The following MEGF11 variants were observed in gnomAD, a reference collection of about 807,000 sequenced individuals.
The protein encoded by MEGF11 is multiple epidermal growth factor-like domains protein 11.
In MEGF11, 126 loss-of-function variants were observed where a neutral mutation model predicts 146.6. The ratio of observed to expected loss-of-function variants is 0.86; its 90% CI spans 0.74 to 1.00. MEGF11 has a LOEUF of 1.00. Among genes scored for constraint, MEGF11 ranks in the 50% least tolerant of loss-of-function variants. MEGF11 has a pLI of 0.00. For synonymous variants in MEGF11, 532 were observed against 583.4 expected (o/e 0.91, Z 1.27); for missense variants, 1,509 against 1,521.2 (o/e 0.99, Z 0.13).
intron 1 of MEGF11, among the ~76,000 whole-genome samples, chr15:66,252,965 A>G (rs1298274200): frequency 6.6e-6 from 1 of 152,242 alleles, no homozygotes; most frequent in Non-Finnish European, 1.5e-5. Context: ...AAGGCCGTCC[A>G]GGTCCTGGAC....
At chr15:66,225,185 C>T (rs888293893) in intron 1 of MEGF11, among the ~76,000 whole-genome samples, 6 of 152,240 alleles carry the variant, frequency 3.9e-5, no homozygotes, top group Admixed American at 6.5e-5. Flanking sequence ...CACTTGGTCA[C>T]GGCCCAGCAC....
intron 1 of MEGF11, among the ~76,000 whole-genome samples, chr15:66,203,080 G>GACTCACAAAAGTCAGCCCCAGT (rs1324011290): frequency 6.6e-6 from 1 of 152,094 alleles, no homozygotes; most frequent in Non-Finnish European, 1.5e-5. Flanking sequence ...CCAGATCCTG[G>GACTCACAAAAGTCAGCCCCAGT]ACTCACAAAA....
chr15:66,152,096 A>G (rs1026675), intron 1 of MEGF11, among the ~76,000 whole-genome samples: 93,894 of 152,090 alleles, frequency 0.62, 29,403 homozygotes, highest in East Asian at 0.83. Flanking sequence ...GAGCTCTAGC[A>G]CCACCTTGCC....
intron 5 of MEGF11, among the ~76,000 whole-genome samples, chr15:66,015,276 AG>A (rs1322236042): frequency 6.6e-6 from 1 of 152,222 alleles, no homozygotes; most frequent in Non-Finnish European, 1.5e-5. Flanking sequence ...TAGAGGTTTC[AG>A]AGCCCACTGT....
intron 4 of MEGF11, among the ~76,000 whole-genome samples, chr15:66,112,983 G>C (rs1261564373): frequency 6.6e-6 from 1 of 152,202 alleles, no homozygotes; most frequent in Non-Finnish European, 1.5e-5. Flanking sequence ...AGGAAACATA[G>C]GAATTCGATT....
intron 22 of MEGF11, 120 bp downstream of exon 22, chr15:65,909,620 C>T: frequency 9.9e-7 from 1 of 1,014,900 alleles, no homozygotes; most frequent in East Asian, 2.6e-5. Context: ...CAAAATTTCT[C>T]CCTGGGGGAA....
chr15:65,994,680 C>T (rs966513873), intron 5 of MEGF11, among the ~76,000 whole-genome samples: 1 of 152,314 alleles, frequency 6.6e-6, no homozygotes, highest in East Asian at 1.9e-4. Context: ...GACCTGGGAT[C>T]TGCCCTCTGG....
chr15:66,142,618 A>G (rs2089210604), intron 1 of MEGF11, among the ~76,000 whole-genome samples: 1 of 152,184 alleles, frequency 6.6e-6, no homozygotes, highest in African/African-American at 2.4e-5. Context: ...CTGTGAGGGG[A>G]CAGCATCTGC....
intron 4 of MEGF11, among the ~76,000 whole-genome samples, chr15:66,096,933 C>T (rs917093652): frequency 6.6e-6 from 1 of 152,310 alleles, no homozygotes; most frequent in African/African-American, 2.4e-5. Flanking sequence ...CCGCCCCCCA[C>T]ACTGCAGACA....
chr15:65,903,879 T>G (rs77345404), intron 24 of MEGF11, among the ~76,000 whole-genome samples: 10,379 of 152,298 alleles, frequency 0.068, 370 homozygotes, highest in Middle Eastern at 0.099. Context: ...TTCTGATGTA[T>G]TGGTCCCCAA....
chr15:65,946,616 C>T (rs1232206003), intron 10 of MEGF11, among the ~76,000 whole-genome samples: 3 of 152,234 alleles, frequency 2.0e-5, no homozygotes, highest in African/African-American at 4.8e-5. Context: ...TGCTCTCGAA[C>T]TCCTGAGCTC....
At chr15:65,950,412 C>G (rs1418838295) in intron 10 of MEGF11, among the ~76,000 whole-genome samples, 2 of 152,008 alleles carry the variant, frequency 1.3e-5, no homozygotes, top group Admixed American at 6.6e-5. Flanking sequence ...TGGCAAAACC[C>G]CATCTCTACA....
At chr15:66,154,143 A>G (rs2089667035) in intron 1 of MEGF11, among the ~76,000 whole-genome samples, 2 of 152,250 alleles carry the variant, frequency 1.3e-5, no homozygotes, top group Non-Finnish European at 2.9e-5. Flanking sequence ...TGCGTGAGAC[A>G]GGCAGCCCAG....
chr15:66,113,569 C>A (rs1026335607), intron 4 of MEGF11, among the ~76,000 whole-genome samples: 2 of 152,194 alleles, frequency 1.3e-5, no homozygotes, highest in African/African-American at 4.8e-5. Flanking sequence ...TTAGGGGATG[C>A]ACCTGCTGGG....
chr15:66,236,399 C>T (rs1217983210), intron 1 of MEGF11, among the ~76,000 whole-genome samples: 3 of 152,162 alleles, frequency 2.0e-5, no homozygotes, highest in Non-Finnish European at 4.4e-5. Flanking sequence ...AAAGATCCTT[C>T]TGCCTGCCAC....
chr15:66,210,881 T>G (rs933661196), intron 1 of MEGF11, among the ~76,000 whole-genome samples: 2 of 152,190 alleles, frequency 1.3e-5, no homozygotes, highest in Non-Finnish European at 2.9e-5. Flanking sequence ...CAGGAAGAGC[T>G]GGACTTGAGC....
chr15:65,969,168 CG>C (rs1340498463), intron 8 of MEGF11, among the ~76,000 whole-genome samples: 1 of 152,160 alleles, frequency 6.6e-6, no homozygotes, highest in Non-Finnish European at 1.5e-5. Flanking sequence ...CAGGGAAAAT[CG>C]ACAGCACCAA....
At chr15:66,019,184 G>T (rs1002834551) in intron 5 of MEGF11, among the ~76,000 whole-genome samples, 1 of 152,164 alleles carries the variant, frequency 6.6e-6, no homozygotes, top group Non-Finnish European at 1.5e-5. Context: ...GGAACCAGGA[G>T]CTTGACCTCC....
At chr15:65,963,324 T>C (rs2080934926) in intron 9 of MEGF11, among the ~76,000 whole-genome samples, 1 of 152,156 alleles carries the variant, frequency 6.6e-6, no homozygotes, top group South Asian at 2.1e-4. Context: ...TGCCACCTCT[T>C]CTAGGAAGCC....
Sources: allele counts gnomAD v4.1 joint callset (sites outside exome capture counted in the v4.1 genomes callset), GRCh38; gene constraint gnomAD v4.1.1; transcripts MANE v1.5; gene names NCBI Gene and HGNC (gene_info 2026-07-23, HGNC 2026-07-21).